Variants in DRD3 observed in about 807,000 individuals in gnomAD.
DRD3 encodes D(3) dopamine receptor.
In DRD3, 19 loss-of-function variants were observed where a neutral mutation model predicts 36.3. The observed-to-expected ratio is 0.52, with a 90% CI of 0.36 to 0.77. The LOEUF is 0.77. DRD3 is among the 30% of genes least tolerant of loss of function. DRD3 has a pLI of 0.00. For missense variants in DRD3, 465 were observed against 505.3 expected (o/e 0.92, Z 0.77); for synonymous variants, 195 against 203.7 (o/e 0.96, Z 0.36).
At chr3:114,142,005 G>A (rs1209262825) in intron 4 of DRD3, among the ~76,000 whole-genome samples, 3 of 140,896 alleles carry the variant, frequency 2.1e-5, no homozygotes, top group East Asian at 2.1e-4. Flanking sequence ...CTGAGATCGC[G>A]CCATTGCACT....
intron 3 of DRD3, among the ~76,000 whole-genome samples, chr3:114,154,687 G>A (rs1028545708): frequency 7.9e-5 from 12 of 152,304 alleles, no homozygotes; most frequent in East Asian, 1.9e-4. Context: ...CTGCAAAGAC[G>A]CGGAGGCTTG....
At chr3:114,159,937 T>G (rs2077717730) in intron 2 of DRD3, 70 bp from the exon 3 acceptor site, 1 of 1,416,936 alleles carries the variant, frequency 7.1e-7, no homozygotes, top group Non-Finnish European at 9.9e-7. Context: ...GGCCCTATTT[T>G]CTTTGCTTTG....
upstream of DRD3, among the ~76,000 whole-genome samples, chr3:114,179,709 G>T (rs970668084): frequency 6.6e-6 from 1 of 152,104 alleles, no homozygotes; most frequent in Non-Finnish European, 1.5e-5. Context: ...TTTGGTCAGT[G>T]TGGTAATTCT....
At chr3:114,157,348 C>T (rs1178703046) in intron 3 of DRD3, among the ~76,000 whole-genome samples, 1 of 152,168 alleles carries the variant, frequency 6.6e-6, no homozygotes, top group East Asian at 1.9e-4. Context: ...GCCACCGTGC[C>T]TGGCCTCAAT....
At chr3:114,151,520 T>C (rs993509378) in intron 3 of DRD3, among the ~76,000 whole-genome samples, 2 of 152,226 alleles carry the variant, frequency 1.3e-5, no homozygotes, top group African/African-American at 4.8e-5. Flanking sequence ...CTTTAATAAC[T>C]GATGCAAAAA....
intron 2 of DRD3, among the ~76,000 whole-genome samples, chr3:114,161,315 G>A (rs965699248): frequency 2.6e-5 from 4 of 152,190 alleles, no homozygotes; most frequent in Admixed American, 6.5e-5. Context: ...CCAAATGACT[G>A]TGCATAAAGA....
chr3:114,193,915 T>C (rs192224198), intron 1 of DRD3, among the ~76,000 whole-genome samples: 12 of 152,360 alleles, frequency 7.9e-5, no homozygotes, highest in African/African-American at 2.9e-4. Flanking sequence ...ACTGAGTAGA[T>C]ATAACTTAGA....
At chr3:114,129,236 G>A (rs1465552075) in intron 6 of DRD3, among the ~76,000 whole-genome samples, 3 of 152,026 alleles carry the variant, frequency 2.0e-5, no homozygotes, top group African/African-American at 4.8e-5. Context: ...CCAGCTACTC[G>A]GGAAGCTGGG....
intron 3 of DRD3, among the ~76,000 whole-genome samples, chr3:114,148,710 G>A (rs2077590760): frequency 6.6e-6 from 1 of 151,964 alleles, no homozygotes; most frequent in African/African-American, 2.4e-5. Context: ...TTGCTTGCTT[G>A]CTTATTTATT....
intron 1 of DRD3, among the ~76,000 whole-genome samples, chr3:114,176,824 C>T (rs2077904150): frequency 6.6e-6 from 1 of 152,142 alleles, no homozygotes; most frequent in African/African-American, 2.4e-5. Context: ...GCTATATTGC[C>T]TGATAAAATT....
upstream of DRD3, among the ~76,000 whole-genome samples, chr3:114,180,777 C>T (rs1186345156): frequency 6.6e-6 from 1 of 152,042 alleles, no homozygotes; most frequent in African/African-American, 2.4e-5. Context: ...ACTAGAACTC[C>T]TGGGTTGAAT....
chr3:114,153,263 AC>A (rs1290319237), intron 3 of DRD3, among the ~76,000 whole-genome samples: 1 of 13,188 alleles, frequency 7.6e-5, no homozygotes, highest in African/African-American at 3.4e-4. Flanking sequence ...TTCTCTGTAA[AC>A]CTTTTTTTTT....
chr3:114,179,684 T>C (rs1447697967), upstream of DRD3, among the ~76,000 whole-genome samples: 1 of 152,130 alleles, frequency 6.6e-6, no homozygotes, highest in Non-Finnish European at 1.5e-5. Context: ...CTCTCTCTCT[T>C]TTTTTTCTCC....
intron 2 of DRD3, among the ~76,000 whole-genome samples, chr3:114,163,202 C>A (rs1230124738): frequency 6.6e-6 from 1 of 152,182 alleles, no homozygotes; most frequent in African/African-American, 2.4e-5. Context: ...CACTAAGGTG[C>A]CATCACTTAG....
At chr3:114,195,890 A>G (rs1398920893) in intron 1 of DRD3, among the ~76,000 whole-genome samples, 2 of 152,222 alleles carry the variant, frequency 1.3e-5, no homozygotes, top group Non-Finnish European at 2.9e-5. Flanking sequence ...ATTGGATCAC[A>G]AGCTTAAAAG....
At chr3:114,154,240 G>C (rs2077644377) in intron 3 of DRD3, among the ~76,000 whole-genome samples, 1 of 152,160 alleles carries the variant, frequency 6.6e-6, no homozygotes, top group South Asian at 2.1e-4. Flanking sequence ...CTATGAGCAG[G>C]ATCTATATGG....
At chr3:114,170,799 T>C (rs1403599960) in intron 2 of DRD3, among the ~76,000 whole-genome samples, 1 of 152,222 alleles carries the variant, frequency 6.6e-6, no homozygotes, top group Non-Finnish European at 1.5e-5. Context: ...CTCTTAATCA[T>C]AGCATCATTT....
At chr3:114,179,353 A>G (rs1300469305), upstream of DRD3, among the ~76,000 whole-genome samples, 1 of 152,218 alleles carries the variant, frequency 6.6e-6, no homozygotes, top group Non-Finnish European at 1.5e-5. Context: ...AAGGAAACAT[A>G]TTACAAAGGT....
intron 5 of DRD3, among the ~76,000 whole-genome samples, 167 bp downstream of exon 5, chr3:114,139,333 T>C (rs967302598): frequency 6.6e-6 from 1 of 152,196 alleles, no homozygotes; most frequent in African/African-American, 2.4e-5. Context: ...TTTCTTGAGA[T>C]TGGATTTCCT....
Sources: allele counts gnomAD v4.1 joint callset (sites outside exome capture counted in the v4.1 genomes callset), GRCh38; gene constraint gnomAD v4.1.1; transcripts MANE v1.5; gene names NCBI Gene and HGNC (gene_info 2026-07-23, HGNC 2026-07-21).